PCDHA4: variants seen among roughly 807,000 people sequenced by gnomAD.
PCDHA4 encodes the protein protocadherin alpha 4.
Under a neutral mutation model 61.4 loss-of-function variants are expected in PCDHA4, and 49 were observed. The observed-to-expected ratio is 0.80, with a 90% confidence interval of 0.63 to 1.01. The LOEUF is 1.01. PCDHA4 is among the 50% of genes least tolerant of loss of function. PCDHA4 has a pLI of 0.00. For missense variants in PCDHA4, 1,254 were observed against 1,235.8 expected, an observed-to-expected ratio of 1.01 and a Z score of -0.22; for synonymous variants, 590 against 550.3, an observed-to-expected ratio of 1.07 and a Z score of -1.01.
At chr5:140,989,601 A>C (rs553140269) in intron 3 of PCDHA4, among the ~76,000 whole-genome samples, 14 of 152,318 alleles carry the variant, frequency 9.2e-5, no homozygotes, top group African/African-American at 3.4e-4. Flanking sequence ...ACACAAGTAA[A>C]CTAAAAATGA....
intron 1 of PCDHA4, among the ~76,000 whole-genome samples, chr5:140,946,992 A>T (rs1393633852): frequency 1.3e-5 from 2 of 151,908 alleles, no homozygotes; most frequent in East Asian, 3.9e-4. Context: ...TGAGTGTTCT[A>T]ACTTCAAAGA....
chr5:140,809,335 G>C lies in PCDHA4; in HGVS notation c.2148G>C (p.Leu716=), dbSNP rs1764432145. The C allele has an allele frequency of 1.2e-6, 2 of 1,613,974 alleles. No homozygotes were observed. The highest frequency in any genetic ancestry group is 2.7e-5 in the African/African-American group (2 of 74,950). Residue 716 remains leucine, a synonymous_variant, in exon 1 of 4, where the codon CTG becomes CTC. Transcript: ENST00000530339. ...CCAGCCTTTTGGTGCTCACGCTGCTGCTGTACACCGCGCTGCGGTGCTCTG... is the reference window on the plus strand; with the variant it reads ...CCAGCCTTTTGGTGCTCACGCTGCTCCTGTACACCGCGCTGCGGTGCTCTG... The part of the protein sequence containing the change: ...AVSSLLVLTL[L]LYTALRCSAL...
At chr5:140,957,548 T>C (rs1554223015) in intron 1 of PCDHA4, among the ~76,000 whole-genome samples, 1 of 152,154 alleles carries the variant, frequency 6.6e-6, no homozygotes, top group Non-Finnish European at 1.5e-5. Flanking sequence ...GAAAGTATTC[T>C]CTGTGGAAAA....
rs113486331 is a variant in PCDHA4, at chr5:140,935,958, T to C, written c.2386-42991T>C. ...CCCAGGCTGGAGTAAAGTGGTACAATCTTGGCTCACTGCAATCTCTGCCTC... is the reference window on the plus strand; with the variant it reads ...CCCAGGCTGGAGTAAAGTGGTACAACCTTGGCTCACTGCAATCTCTGCCTC... On this transcript the variant is annotated intron_variant, in intron 1 of 3. Coordinates refer to ENST00000530339, the MANE Select transcript of PCDHA4 (RefSeq NM_018907.4). Among the ~76,000 whole-genome samples the C allele has an allele frequency of 4.3e-3, 649 of 149,438 alleles. 7 individuals are homozygous for C. The highest frequency in any genetic ancestry group is 0.015 in the African/African-American group (604 of 40,738).
chr5:140,858,383 A>G lies in PCDHA4; in HGVS notation c.2385+48811A>G, dbSNP rs181849631. Reference sequence around the variant, plus strand: ...CAGCCCCAGCCTTCCACCATGCCCAATGGTAGATGTGGACGGGGAAGATCA... The same window carrying G: ...CAGCCCCAGCCTTCCACCATGCCCAGTGGTAGATGTGGACGGGGAAGATCA... On this transcript the variant is annotated intron_variant, in intron 1 of 3. Transcript: ENST00000530339. 1,813 of 1,584,980 alleles carry G rather than the reference A, an allele frequency of 1.1e-3. 172 individuals are homozygous for G. Among genetic ancestry groups the G allele is most frequent in the Non-Finnish European group, 1.3e-3 (1,523 of 1,159,242 alleles).
chr5:140,973,639 T>C (rs1563426866), intron 1 of PCDHA4, among the ~76,000 whole-genome samples: 2 of 152,362 alleles, frequency 1.3e-5, no homozygotes, highest in East Asian at 3.9e-4. Context: ...GTACACATTC[T>C]GACTGAAGAA....
chr5:140,842,600 G>C (rs1778125962), intron 1 of PCDHA4: 1 of 1,543,982 alleles, frequency 6.5e-7, no homozygotes. Flanking sequence ...GGTGGTAACC[G>C]CGCGGGACGG....
chr5:140,969,464 C>A, intron 1 of PCDHA4: 1 of 1,491,558 alleles, frequency 6.7e-7, no homozygotes. Flanking sequence ...ATATAGTATC[C>A]ACAATTTGAT....
At chr5:140,964,840 C>G (rs1270845085) in intron 1 of PCDHA4, among the ~76,000 whole-genome samples, 1 of 152,152 alleles carries the variant, frequency 6.6e-6, no homozygotes, top group Non-Finnish European at 1.5e-5. Flanking sequence ...GCTTCCTACT[C>G]TGTACCCTTG....
chr5:140,885,556 G>A (rs1317413722), intron 1 of PCDHA4, among the ~76,000 whole-genome samples: 22 of 152,018 alleles, frequency 1.4e-4, no homozygotes, highest in African/African-American at 5.3e-4. Flanking sequence ...TTATTTCTAC[G>A]AAATTGATTG....
At chr5:140,893,608 T>C (rs2064082274) in intron 1 of PCDHA4, among the ~76,000 whole-genome samples, 1 of 152,256 alleles carries the variant, frequency 6.6e-6, no homozygotes, top group African/African-American at 2.4e-5. Flanking sequence ...TTCTCCTTCA[T>C]TTCTGAAGTA....
At chr5:140,949,603 A>G (rs1218724530) in intron 1 of PCDHA4, among the ~76,000 whole-genome samples, 3 of 151,662 alleles carry the variant, frequency 2.0e-5, no homozygotes, top group Non-Finnish European at 4.4e-5. Flanking sequence ...TGGCCATTCT[A>G]GTCTCATGTT....
chr5:140,899,904 C>A (rs1554188779), intron 1 of PCDHA4, among the ~76,000 whole-genome samples: 1 of 151,986 alleles, frequency 6.6e-6, no homozygotes, highest in African/African-American at 2.4e-5. Flanking sequence ...ACATCCTGGG[C>A]TCAAGCAATC....
chr5:140,979,898 G>A (rs1253481087), intron 2 of PCDHA4, among the ~76,000 whole-genome samples: 2 of 152,212 alleles, frequency 1.3e-5, no homozygotes, highest in Non-Finnish European at 1.5e-5. Context: ...ACCAAACTTA[G>A]ATCAGTTCGT....
At chr5:140,854,198 C>T (rs1554147125) in intron 1 of PCDHA4, 1 of 547,806 alleles carries the variant, frequency 1.8e-6, no homozygotes, top group East Asian at 1.4e-4. Flanking sequence ...CTACTCCCTA[C>T]TTTTTATTCA....
chr5:140,993,346 G>A (rs2097551194), intron 3 of PCDHA4, among the ~76,000 whole-genome samples: 2 of 151,820 alleles, frequency 1.3e-5, no homozygotes, highest in Non-Finnish European at 1.5e-5. Context: ...AGGGCACTAC[G>A]AAGATCCTCA....
At chr5:140,974,637 G>A (rs1054796505) in intron 1 of PCDHA4, among the ~76,000 whole-genome samples, 7 of 151,898 alleles carry the variant, frequency 4.6e-5, no homozygotes, top group South Asian at 2.1e-4. Context: ...TCAACCTCCC[G>A]AGTAGCTGAG....
rs2150102424 is a variant in PCDHA4 at position 140,818,806 on chromosome 5, G to A, written c.2385+9234G>A. 4.6e-5 allele frequency among the ~76,000 whole-genome samples: 7 copies of A among 152,310 alleles called. No individual in the cohort carries two copies. In the East Asian group the frequency reaches 7.7e-4, roughly 17 times the overall value. On this transcript the variant is annotated intron_variant, in intron 1 of 3. Transcript: ENST00000530339. Reference sequence around the variant, plus strand: ...GACTGTACCACTGCACTCCAGCCTCGGTCAGAGTGAGACTCTTTGTCACCC... The same window carrying A: ...GACTGTACCACTGCACTCCAGCCTCAGTCAGAGTGAGACTCTTTGTCACCC...
At chr5:140,927,265 C>T in intron 1 of PCDHA4, 1 of 1,614,168 alleles carries the variant, frequency 6.2e-7, no homozygotes. Context: ...ACCTCTCTTT[C>T]CTGCCGGCGA....
Sources: allele counts gnomAD v4.1 joint callset (sites outside exome capture counted in the v4.1 genomes callset), GRCh38; gene constraint gnomAD v4.1.1; transcripts MANE v1.5; gene names NCBI Gene and HGNC (gene_info 2026-07-23, HGNC 2026-07-21).